The following GRAMD4 variants were observed in gnomAD, a reference collection of about 807,000 sequenced individuals.
GRAMD4 encodes GRAM domain containing 4.
GRAMD4 carries 25 observed loss-of-function variants against 83.9 expected under a neutral mutation model. The observed-to-expected ratio is 0.30, with a 90% CI of 0.22 to 0.42. The LOEUF (loss-of-function observed/expected upper bound fraction) is 0.42. GRAMD4 is among the 10% of genes least tolerant of loss of function. The pLI is 1.00. For missense variants in GRAMD4, 593 were observed against 788.7 expected (o/e 0.75, Z 2.97); for synonymous variants, 336 against 320.9 (o/e 1.05, Z -0.50).
chr22:46,679,597 G>T lies in GRAMD4; in HGVS notation c.*2346G>T, dbSNP rs2082647455. 5.1e-6 allele frequency: 5 copies of T among 983,766 alleles called. No homozygotes were observed. Among genetic ancestry groups the T allele is most frequent in the Non-Finnish European group, 6.0e-6 (5 of 828,240 alleles). The allele number at this position is 983,766 out of a possible 1,614,324, so 60.9% of individuals were successfully genotyped here. A position where few individuals can be genotyped will look rare whatever the true frequency, so the allele number is the denominator to read the frequency against. ...TAAATTTTTTATGTCTGAAGCCTGA[G>T]TCTATTTTGGATCTGTAAATAATCA... On this transcript the variant is annotated 3_prime_UTR_variant, in exon 19 of 19. Transcript: ENST00000406902.
rs776466173 is a variant in GRAMD4 at position 46,626,761 on chromosome 22, C to T, written c.-39C>T. 52 of 1,600,306 alleles carry T rather than the reference C, an allele frequency of 3.2e-5. No homozygotes were observed. In the African/African-American group the frequency reaches 4.4e-4, roughly 14 times the overall value. On this transcript the variant is annotated 5_prime_UTR_variant, in exon 2 of 19. Transcript: ENST00000406902. The stretch of plus-strand genomic sequence containing the variant: ...GCCCCTCTCTTGCAGGGAACCCGAG[C>T]GTCATGTTAGGGTGAAGCAGAGGAC...
rs2081653392 is a variant in GRAMD4, at chr22:46,626,062, CAG to C, written c.-49-686_-49-685del. Among the ~76,000 whole-genome samples, 5 of 152,328 alleles carry C rather than the reference CAG, an allele frequency of 3.3e-5. No individual in the cohort carries two copies. In the South Asian group the frequency reaches 1.0e-3, roughly 32 times the overall value. Reference sequence around the variant, plus strand: ...GAGGTGGTGCGATCTGAATGTGTCTCAGAGTATGAGCCTGGTCGCATGGCGAG... The same window carrying C: ...GAGGTGGTGCGATCTGAATGTGTCTCAGTATGAGCCTGGTCGCATGGCGAG... On this transcript the variant is annotated intron_variant, in intron 1 of 18. Coordinates refer to ENST00000406902, the MANE Select transcript of GRAMD4 (RefSeq NM_015124.5).
At chr22:46,647,658 G>A (rs182710074) in intron 3 of GRAMD4, among the ~76,000 whole-genome samples, 21 of 152,352 alleles carry the variant, frequency 1.4e-4, no homozygotes, top group Admixed American at 1.2e-3. Flanking sequence ...GAATTCCATG[G>A]GAAGTGTTAA....
intron 3 of GRAMD4, among the ~76,000 whole-genome samples, chr22:46,643,123 G>GTC (rs2082002529): frequency 4.2e-5 from 1 of 23,838 alleles, no homozygotes. Context: ...ATCCATCCAT[G>GTC]CATCCATCCA....
rs530777662 is a variant in GRAMD4, at chr22:46,593,082, C to G, written c.-50+15792C>G. On this transcript the variant is annotated intron_variant, in intron 1 of 1. Transcript: ENST00000431155. The stretch of plus-strand genomic sequence containing the variant: ...GAATTGGTTTTATCCACACCGTTCT[C>G]AAATACTTGAGAGTAACGTGTTTGC... Among the ~76,000 whole-genome samples, 9 of 152,270 alleles carry G rather than the reference C, an allele frequency of 5.9e-5. No homozygotes were observed. In the South Asian group the frequency reaches 1.7e-3, roughly 28 times the overall value.
intron 3 of GRAMD4, among the ~76,000 whole-genome samples, chr22:46,654,825 C>T (rs770033178): frequency 6.6e-6 from 1 of 152,198 alleles, no homozygotes; most frequent in African/African-American, 2.4e-5. Flanking sequence ...GTCCCTCCTC[C>T]GGAACCTGTG....
chr22:46,641,541 T>C (rs1264021763), intron 3 of GRAMD4, among the ~76,000 whole-genome samples: 3 of 152,084 alleles, frequency 2.0e-5, no homozygotes, highest in Non-Finnish European at 4.4e-5. Flanking sequence ...ACCCTGCGGG[T>C]TCTCTGCGCG....
At chr22:46,623,199 C>T (rs138486) in intron 1 of GRAMD4, among the ~76,000 whole-genome samples, 48,710 of 151,684 alleles carry the variant, frequency 0.32, 8,395 homozygotes, top group East Asian at 0.63. Context: ...CACCAGGGTG[C>T]TCCAGGACCC....
At chr22:46,653,644 G>T (rs2082199160) in intron 3 of GRAMD4, among the ~76,000 whole-genome samples, 1 of 152,188 alleles carries the variant, frequency 6.6e-6, no homozygotes, top group African/African-American at 2.4e-5. Flanking sequence ...CCAGGAAGGG[G>T]CGTAGGGGGC....
Position 46,620,431 on chromosome 22 carries a change from C to G in GRAMD4, c.-184C>G, listed in dbSNP as rs1256573355. 2.0e-6 allele frequency: 2 copies of G among 985,258 alleles called. No homozygotes were observed. Among genetic ancestry groups the G allele is most frequent in the African/African-American group, 3.5e-5 (2 of 57,214 alleles). 61.0% of individuals were successfully genotyped at this position (985,258 alleles called of 1,614,324 possible). ...AGGCTCCAGGGCAGCAGACACCACC[C>G]TCTCCGTGCCTGCTGGTGTTGGGCG... On this transcript the variant is annotated 5_prime_UTR_variant, in exon 1 of 19. Transcript: ENST00000406902. The surrounding 1 kb of genome is among the most constrained non-coding windows in gnomAD (Gnocchi z 4.7).
intron 3 of GRAMD4, among the ~76,000 whole-genome samples, chr22:46,647,914 T>C (rs946492358): frequency 2.6e-5 from 4 of 152,260 alleles, no homozygotes; most frequent in African/African-American, 9.6e-5. Flanking sequence ...GTCCCAGCTC[T>C]GTAAGGAGAC....
intron 1 of GRAMD4, among the ~76,000 whole-genome samples, chr22:46,586,370 G>A (rs978831769): frequency 6.6e-6 from 1 of 151,982 alleles, no homozygotes; most frequent in Non-Finnish European, 1.5e-5. Context: ...AGTCCGGTGC[G>A]ATGGTCGGAG....
chr22:46,681,725 C>G (rs1391169472), downstream of GRAMD4, among the ~76,000 whole-genome samples: 2 of 152,162 alleles, frequency 1.3e-5, no homozygotes, highest in Non-Finnish European at 2.9e-5. Context: ...ATTCTTGAAC[C>G]AGGGGTTCTC....
At chr22:46,609,044 A>G (rs2081392422) in intron 1 of GRAMD4, among the ~76,000 whole-genome samples, 1 of 151,848 alleles carries the variant, frequency 6.6e-6, no homozygotes, top group Non-Finnish European at 1.5e-5. Flanking sequence ...GGGAGGCCAC[A>G]GTGACCTATG....
intron 3 of GRAMD4, among the ~76,000 whole-genome samples, chr22:46,654,603 G>A (rs1569292712): frequency 6.6e-6 from 1 of 152,190 alleles, no homozygotes. Flanking sequence ...ACTGATCCCC[G>A]TGTTAGGGCT....
At chr22:46,599,890 C>G (rs1423350901) in intron 1 of GRAMD4, among the ~76,000 whole-genome samples, 1 of 151,842 alleles carries the variant, frequency 6.6e-6, no homozygotes, top group Non-Finnish European at 1.5e-5. Context: ...GCTTTCCCCA[C>G]GTGGGGACTC....
chr22:46,583,755 C>T (rs1047067261), intron 1 of GRAMD4, among the ~76,000 whole-genome samples: 5 of 152,222 alleles, frequency 3.3e-5, no homozygotes, highest in East Asian at 1.9e-4. Flanking sequence ...ATGTGGCCCG[C>T]GGCTACTGGT....
In GRAMD4 at chr22:46,622,037, G is replaced by A. The variant is rs753022136; in HGVS notation, c.-50+1472G>A. 2.3e-4 allele frequency among the ~76,000 whole-genome samples: 35 copies of A among 152,302 alleles called. No homozygotes were observed. Among genetic ancestry groups the A allele is most frequent in the Non-Finnish European group, 4.4e-4 (30 of 68,020 alleles). ...ATGACCCTGGGTTTGGGGCTGAGCC[G>A]GTGGCTGGGAGAGCAGACTGAGGAG... On this transcript the variant is annotated intron_variant, in intron 1 of 18. Coordinates refer to ENST00000406902, the MANE Select transcript of GRAMD4 (RefSeq NM_015124.5). This position sits in a 1 kb window ranked among gnomAD's most constrained non-coding sequence, Gnocchi z 4.0.
rs939070437 is a variant in GRAMD4, at chr22:46,678,321, G to C, written c.*1070G>C. 6 of 985,422 alleles carry C rather than the reference G, an allele frequency of 6.1e-6. No homozygotes were observed. Among genetic ancestry groups the C allele is most frequent in the Non-Finnish European group, 7.2e-6 (6 of 830,016 alleles). 61.0% of individuals were successfully genotyped at this position (985,422 alleles called of 1,614,324 possible). A position where few individuals can be genotyped will look rare whatever the true frequency, so the allele number is the denominator to read the frequency against. On this transcript the variant is annotated 3_prime_UTR_variant, in exon 19 of 19. Coordinates refer to ENST00000406902, the MANE Select transcript of GRAMD4 (RefSeq NM_015124.5). ...GAGCCGAGCCCAGAGGCCTGGGCCTGCACTGCCTGCAGCCGACATGCGACA... is the reference window on the plus strand; with the variant it reads ...GAGCCGAGCCCAGAGGCCTGGGCCTCCACTGCCTGCAGCCGACATGCGACA...
Sources: allele counts gnomAD v4.1 joint callset (sites outside exome capture counted in the v4.1 genomes callset), GRCh38; gene constraint gnomAD v4.1.1; non-coding constraint Gnocchi (gnomAD v3.1); transcripts MANE v1.5; gene names NCBI Gene and HGNC (gene_info 2026-07-23, HGNC 2026-07-21).